The following TRPA1 variants were observed in gnomAD, a reference collection of about 807,000 sequenced individuals.
The protein encoded by TRPA1 is ankyrin-like with transmembrane domains 1.
Under a neutral mutation model 131.3 loss-of-function variants are expected in TRPA1, and 129 were observed. That is an observed-to-expected ratio of 0.98 (90% CI 0.85 to 1.14). TRPA1 has a LOEUF of 1.14. Among genes scored for constraint, TRPA1 ranks in the 50% most tolerant of loss-of-function variants. TRPA1 has a pLI of 0.00. For missense variants in TRPA1, 1,304 were observed against 1,354.2 expected (o/e 0.96, Z 0.58); for synonymous variants, 441 against 451.7 (o/e 0.98, Z 0.30).
intron 25 of TRPA1, among the ~76,000 whole-genome samples, chr8:72,025,358 G>A (rs889110908): frequency 1.3e-5 from 2 of 152,058 alleles, no homozygotes; most frequent in African/African-American, 4.8e-5. Context: ...TGCTGCCTGT[G>A]AAGAAGGTGC....
chr8:72,030,173 C>T (rs537901313), intron 23 of TRPA1, among the ~76,000 whole-genome samples: 1 of 152,120 alleles, frequency 6.6e-6, no homozygotes, highest in Non-Finnish European at 1.5e-5. Context: ...CTGGTAAGAA[C>T]CCATTCCTCA....
At chr8:72,027,173 A>C (rs775571953) in intron 24 of TRPA1, among the ~76,000 whole-genome samples, 44 of 152,088 alleles carry the variant, frequency 2.9e-4, no homozygotes, top group Admixed American at 2.3e-3. Flanking sequence ...GTCACATACT[A>C]TTTCCTCACA....
At chr8:72,024,002 C>A (rs1384001) in intron 25 of TRPA1, 91 bp from the exon 26 acceptor site, 401,301 of 815,436 alleles carry the variant, frequency 0.49, 101,906 homozygotes, top group East Asian at 0.79. Flanking sequence ...CCACTGGTAC[C>A]AATATGCATA....
At chr8:72,089,131 G>T in the TRPA1 span, among the ~76,000 whole-genome samples, 103 of 152,118 alleles carry the variant, frequency 6.8e-4, no homozygotes, top group African/African-American at 2.4e-3. Context: ...AACTTAATCA[G>T]ATGATGAACT....
Position 72,052,120 on chromosome 8 carries a change from C to T in TRPA1, c.1811+479G>A, listed in dbSNP as rs143296890. 2.0e-5 allele frequency among the ~76,000 whole-genome samples: 3 copies of T among 152,162 alleles called. No homozygotes were observed. In the East Asian group the frequency reaches 5.8e-4, roughly 29 times the overall value. ...CATATACACACCTACTATTTACCCA[C>T]ACAAATTAAAAATAAAAATGGCCAG... On this transcript the variant is annotated intron_variant, in intron 14 of 26. Transcript: ENST00000262209.
chr8:72,056,111 A>T, intron 10 of TRPA1: 1 of 518,440 alleles, frequency 1.9e-6, no homozygotes, highest in South Asian at 2.2e-5. Context: ...GCCAATAGGA[A>T]AATGTACTTA....
Position 72,033,754 on chromosome 8 carries a change from C to T in TRPA1, c.2758G>A (p.Glu920Lys). 1 of 1,613,972 alleles carries T rather than the reference C, an allele frequency of 6.2e-7. No homozygotes were observed. ...SMMLGDINYR[E>K]SFLEPYLRNE... The stretch of plus-strand genomic sequence containing the variant: ...CTCAGATATGGTTCTAGGAAGGACT[C>T]TCGATAATTGATATCTCCTAGCATC... The change falls in exon 23 of 27, where the codon GAG becomes AAG. Residue 920 changes from glutamate (E) to lysine (K), a missense_variant. Physicochemically the swap from Glu to Lys is moderately conservative, Grantham distance 56 (BLOSUM62 1). Coordinates refer to ENST00000262209, the MANE Select transcript of TRPA1 (RefSeq NM_007332.3).
At chr8:72,081,649 A>G in the TRPA1 span, among the ~76,000 whole-genome samples, 1 of 151,938 alleles carries the variant, frequency 6.6e-6, no homozygotes. Context: ...TTCTGTCAGG[A>G]TTTATACTCC....
rs772136673 is a variant in TRPA1, at chr8:72,053,712, A to C, written c.1644+41T>G. 11 of 1,429,778 alleles carry C rather than the reference A, an allele frequency of 7.7e-6. No homozygotes were observed. The Admixed American group carries it at 8.6e-5, about 11-fold the overall frequency. 88.6% of individuals were successfully genotyped at this position (1,429,778 alleles called of 1,614,324 possible). Reference sequence around the variant, plus strand: ...TCTGGCAATGTTGGAAGTTTCTGCTATATTGAGATTTTGGGTAAGCATGAG... The same window carrying C: ...TCTGGCAATGTTGGAAGTTTCTGCTCTATTGAGATTTTGGGTAAGCATGAG... On this transcript the variant is annotated intron_variant, in intron 13 of 26. Coordinates refer to ENST00000262209, the MANE Select transcript of TRPA1 (RefSeq NM_007332.3).
rs192136195 is a variant in TRPA1 at position 72,046,202 on chromosome 8, A to G, written c.2061+311T>C. Among the ~76,000 whole-genome samples the G allele has an allele frequency of 2.0e-5, 3 of 152,132 alleles. No individual in the cohort carries two copies. In the East Asian group the frequency reaches 5.8e-4, roughly 29 times the overall value. On this transcript the variant is annotated intron_variant, in intron 17 of 26. Coordinates refer to ENST00000262209, the MANE Select transcript of TRPA1 (RefSeq NM_007332.3). ...TTAGAAATGAAGTGTAGAACTTTAT[A>G]GCAATTGAAAAAAAGGATTGCTTTC...
At chr8:72,028,361 C>A (rs1811680280) in intron 24 of TRPA1, among the ~76,000 whole-genome samples, 1 of 152,218 alleles carries the variant, frequency 6.6e-6, no homozygotes, top group Non-Finnish European at 1.5e-5. Context: ...ATGAATGATC[C>A]TTCCAGGCAA....
At chr8:72,073,167 T>C (rs1304790900) in intron 1 of TRPA1, among the ~76,000 whole-genome samples, 1 of 152,216 alleles carries the variant, frequency 6.6e-6, no homozygotes, top group Non-Finnish European at 1.5e-5. Context: ...AAAACAGATA[T>C]ATCAAATACA....
chr8:72,062,750 T>C (rs376961199), intron 6 of TRPA1, 49 bp downstream of exon 6: 34 of 1,581,826 alleles, frequency 2.1e-5, no homozygotes, highest in Non-Finnish European at 2.9e-5. Context: ...ATTTTATATG[T>C]TTATGACAAC....
At chr8:72,035,410 C>T (rs1178125359) in intron 21 of TRPA1, among the ~76,000 whole-genome samples, 1 of 152,114 alleles carries the variant, frequency 6.6e-6, no homozygotes, top group Non-Finnish European at 1.5e-5. Context: ...CACAGCAATG[C>T]AGAAGATATA....
chr8:72,061,607 G>T lies in TRPA1; in HGVS notation c.944+18C>A. On this transcript the variant is annotated intron_variant, in intron 7 of 26. Coordinates refer to ENST00000262209, the MANE Select transcript of TRPA1 (RefSeq NM_007332.3). ...AAGATGAAAAATCTGTATACAGAAT[G>T]ATAGGTAGGAAACTTGCCTGTGAAG... The T allele has an allele frequency of 6.2e-7, 1 of 1,613,724 alleles. No homozygotes were observed. The highest frequency in any genetic ancestry group is 8.5e-7 in the Non-Finnish European group (1 of 1,179,764).
At chr8:72,025,760 G>A (rs1811580686) in intron 25 of TRPA1, among the ~76,000 whole-genome samples, 200 bp downstream of exon 25, 1 of 152,158 alleles carries the variant, frequency 6.6e-6, no homozygotes, top group African/African-American at 2.4e-5. Flanking sequence ...CACCTGAAAG[G>A]GGAGAGCAAA....
At chr8:72,045,236 C>G (rs1218025844) in intron 17 of TRPA1, among the ~76,000 whole-genome samples, 8 of 151,884 alleles carry the variant, frequency 5.3e-5, no homozygotes, top group Non-Finnish European at 1.2e-4. Context: ...AGTCTGCATT[C>G]TCCATACTCC....
intron 1 of TRPA1, among the ~76,000 whole-genome samples, chr8:72,072,228 T>C (rs1806079677): frequency 6.6e-6 from 1 of 152,172 alleles, no homozygotes; most frequent in Admixed American, 6.5e-5. Context: ...CATGATAATA[T>C]ATGTCCAAAC....
At position 72,057,648 on chromosome 8, in the gene TRPA1, AC is replaced by A. The variant is rs142473119; in HGVS notation, c.1093+68del. The A allele has an allele frequency of 1.4e-3, 1,642 of 1,151,700 alleles. 18 individuals are homozygous for A. The African/African-American group carries it at 0.022, about 15-fold the overall frequency. The allele number at this position is 1,151,700 out of a possible 1,614,324, so 71.3% of individuals were successfully genotyped here. ...GGCACACAATGAATGTTCATTTGGC[AC>A]ACAGTGAATGTTCATCCAACCAAAT... On this transcript the variant is annotated intron_variant, in intron 9 of 26. Coordinates refer to ENST00000262209, the MANE Select transcript of TRPA1 (RefSeq NM_007332.3).
Sources: allele counts gnomAD v4.1 joint callset (sites outside exome capture counted in the v4.1 genomes callset), GRCh38; gene constraint gnomAD v4.1.1; transcripts MANE v1.5; gene names NCBI Gene and HGNC (gene_info 2026-07-23, HGNC 2026-07-21).